The following RAE1 variants were observed in gnomAD, a reference collection of about 807,000 sequenced individuals.
RAE1 encodes the protein ribonucleic acid export 1.
RAE1 carries 13 observed loss-of-function variants against 52.7 expected under a neutral mutation model. That is an observed-to-expected ratio of 0.25 (90% CI 0.16 to 0.39). The LOEUF (loss-of-function observed/expected upper bound fraction) is 0.39, where lower values mean the gene tolerates loss of function less well. Ranked by LOEUF, RAE1 falls within the 10% of genes least tolerant of loss-of-function variation. RAE1 has a pLI of 1.00. For missense variants in RAE1, 262 were observed against 459.8 expected, an observed-to-expected ratio of 0.57 and a Z score of 3.93; for synonymous variants, 164 against 153.1, an observed-to-expected ratio of 1.07 and a Z score of -0.52.
At chr20:57,369,174 C>T (rs1029199074) in intron 8 of RAE1, among the ~76,000 whole-genome samples, 1 of 152,178 alleles carries the variant, frequency 6.6e-6, no homozygotes, top group East Asian at 1.9e-4. Flanking sequence ...CAGCGTCTTA[C>T]AACGATCTTA....
Position 57,378,202 on chromosome 20 carries a change from G to A in RAE1, c.*103G>A. ...TGTTGGGTTGTCAGCCATGGACATG[G>A]ATTTCAACCCCTGGAGAAAACGATG... is the stretch of plus-strand genomic sequence containing the variant. On this transcript the variant is annotated 3_prime_UTR_variant, in exon 12 of 12. Transcript: ENST00000395841. 3 of 941,652 alleles carry A rather than the reference G, an allele frequency of 3.2e-6. No individual in the cohort carries two copies. Among genetic ancestry groups the A allele is most frequent in the Non-Finnish European group, 4.7e-6 (3 of 633,572 alleles). 58.3% of individuals were successfully genotyped at this position (941,652 alleles called of 1,614,324 possible). A position where few individuals can be genotyped will look rare whatever the true frequency, so the allele number is the denominator to read the frequency against.
chr20:57,374,462 A>G, intron 10 of RAE1, 145 bp from the exon 11 acceptor site: 2 of 780,246 alleles, frequency 2.6e-6, no homozygotes, highest in East Asian at 2.4e-5. Flanking sequence ...AAGCCTGGAT[A>G]GTTTCTCTTG....
chr20:57,369,071 ACTT>A (rs2066997789), intron 8 of RAE1, among the ~76,000 whole-genome samples: 1 of 152,208 alleles, frequency 6.6e-6, no homozygotes, highest in Admixed American at 6.5e-5. Flanking sequence ...CCAAGGGAAA[ACTT>A]CTCCTTTGCC....
At chr20:57,368,564 C>T (rs1173784071) in intron 7 of RAE1, 141 bp from the exon 8 acceptor site, 2 of 557,550 alleles carry the variant, frequency 3.6e-6, no homozygotes, top group Admixed American at 3.1e-5. Context: ...AATACTATTT[C>T]TCTAGGTTTT....
chr20:57,372,386 T>C (rs539133466), intron 8 of RAE1: 2 of 152,340 alleles, frequency 1.3e-5, no homozygotes, highest in Admixed American at 1.3e-4. Flanking sequence ...GCCTCTCCGT[T>C]GTTGAGAACT....
At chr20:57,357,178 T>A (rs890981846) in intron 4 of RAE1, among the ~76,000 whole-genome samples, 1 of 152,188 alleles carries the variant, frequency 6.6e-6, no homozygotes, top group Non-Finnish European at 1.5e-5. Context: ...TACAGCTCTG[T>A]GAGTGTTAAG....
chr20:57,373,656 C>CT lies in RAE1; in HGVS notation c.750-4dup. The CT allele has an allele frequency of 6.2e-7, 1 of 1,614,080 alleles. No individual in the cohort carries two copies. ...AAGGAAGACTTACATGAACCTTTGT[C>CT]TTTCAGCGCCAAAGATAACTTCACC... On this transcript the variant is annotated splice_region_variant and splice_polypyrimidine_tract_variant and intron_variant, in intron 9 of 11. Coordinates refer to ENST00000395841, the MANE Select transcript of RAE1 (RefSeq NM_003610.4).
intron 4 of RAE1, among the ~76,000 whole-genome samples, chr20:57,363,417 G>A (rs1283466329): frequency 6.6e-6 from 1 of 152,154 alleles, no homozygotes; most frequent in Non-Finnish European, 1.5e-5. Context: ...GGAGACTGAG[G>A]CAGGAGGATC....
chr20:57,359,919 C>G (rs2066866736), intron 4 of RAE1: 1 of 152,036 alleles, frequency 6.6e-6, no homozygotes. Flanking sequence ...ATCGCCTATA[C>G]TTTTGTTTAA....
intron 4 of RAE1, among the ~76,000 whole-genome samples, chr20:57,363,641 G>A (rs2066917908): frequency 6.6e-6 from 1 of 152,140 alleles, no homozygotes; most frequent in Admixed American, 6.5e-5. Context: ...TGCACTCCAA[G>A]CTGAGCAATA....
rs781771403 is a variant in RAE1 at position 57,373,598 on chromosome 20, C to T, written c.749+17C>T. ...CCCGAACCCGTAAGTGTGACTCTGT[C>T]AGCTTGCAGATTTCACTGGACTTTT... is the stretch of plus-strand genomic sequence containing the variant. On this transcript the variant is annotated intron_variant, in intron 9 of 11. Coordinates refer to ENST00000395841, the MANE Select transcript of RAE1 (RefSeq NM_003610.4). 1.2e-6 allele frequency: 2 copies of T among 1,613,048 alleles called. No homozygotes were observed. Among genetic ancestry groups the T allele is most frequent in the Non-Finnish European group, 1.7e-6 (2 of 1,179,024 alleles).
intron 1 of RAE1, among the ~76,000 whole-genome samples, chr20:57,352,248 A>T (rs2066721532): frequency 6.6e-6 from 1 of 152,262 alleles, no homozygotes; most frequent in African/African-American, 2.4e-5. Context: ...TGGCAAGTTC[A>T]AATTTGGGAC....
intron 4 of RAE1, chr20:57,357,659 T>C (rs778869463): frequency 4.6e-5 from 7 of 152,052 alleles, no homozygotes; most frequent in Non-Finnish European, 8.8e-5. Flanking sequence ...CCTAGGAAAA[T>C]AGTAGTAGTT....
chr20:57,354,793 A>G lies in RAE1; in HGVS notation c.172A>G (p.Ile58Val). Residue 58 changes from isoleucine (I) to valine (V), a missense_variant, in exon 3 of 12, where the codon ATT becomes GTT. Coordinates refer to ENST00000395841, the MANE Select transcript of RAE1 (RefSeq NM_003610.4). ...ACCAACCTTGCCGGGGAACTTTCTT[A>G]TTGCAGGATCATGGGCTAATGATGT... ...SPPTLPGNFL[I>V]AGSWANDVRC... 1.2e-6 allele frequency: 2 copies of G among 1,603,722 alleles called. No homozygotes were observed. The highest frequency in any genetic ancestry group is 1.7e-6 in the Non-Finnish European group (2 of 1,175,456).
chr20:57,373,772 A>G lies in RAE1; in HGVS notation c.825+34A>G, dbSNP rs375305743. 1,928 of 1,588,112 alleles carry G rather than the reference A, an allele frequency of 1.2e-3. 2 individuals are homozygous for G. Among genetic ancestry groups the G allele is most frequent in the Non-Finnish European group, 1.5e-3 (1,764 of 1,156,612 alleles). ...TTAGACACTTTAACCGTGGTAATACATCTGGAAACCAGACTTGGAGGTGGC... is the reference window on the plus strand; with the variant it reads ...TTAGACACTTTAACCGTGGTAATACGTCTGGAAACCAGACTTGGAGGTGGC... On this transcript the variant is annotated intron_variant, in intron 10 of 11. Coordinates refer to ENST00000395841, the MANE Select transcript of RAE1 (RefSeq NM_003610.4).
intron 3 of RAE1, among the ~76,000 whole-genome samples, chr20:57,355,217 TACTC>T (rs2066767415): frequency 3.9e-5 from 6 of 152,136 alleles, no homozygotes; most frequent in Admixed American, 3.9e-4. Context: ...CCTAGATACT[TACTC>T]ATCATGTACA....
Position 57,356,481 on chromosome 20 carries a change from C to T in RAE1, c.231C>T (p.Thr77=), listed in dbSNP as rs1255142330. Residue 77 remains threonine, a synonymous_variant, in exon 4 of 12, where the codon ACC becomes ACT. Coordinates refer to ENST00000395841, the MANE Select transcript of RAE1 (RefSeq NM_003610.4). ...GGGAAGTTCAAGACAGTGGACAGAC[C>T]ATTCCAAAAGCCCAGCAGATGCACA... is the stretch of plus-strand genomic sequence containing the variant. The part of the protein sequence containing the change: ...RCWEVQDSGQ[T]IPKAQQMHTG... 6.2e-7 allele frequency: 1 copy of T among 1,613,312 alleles called. No individual in the cohort carries two copies. Among genetic ancestry groups the T allele is most frequent in the Non-Finnish European group, 8.5e-7 (1 of 1,179,500 alleles).
intron 4 of RAE1, chr20:57,360,106 T>C (rs1467416038): frequency 2.6e-5 from 4 of 152,224 alleles, no homozygotes; most frequent in Non-Finnish European, 5.9e-5. Context: ...TTACAATTTA[T>C]CTCCTCTATA....
chr20:57,360,616 C>A (rs1033408744), intron 4 of RAE1, among the ~76,000 whole-genome samples: 3 of 152,170 alleles, frequency 2.0e-5, no homozygotes, highest in Non-Finnish European at 4.4e-5. Flanking sequence ...GCTACTGTGT[C>A]TTCAGGGTAT....
Sources: allele counts gnomAD v4.1 joint callset (sites outside exome capture counted in the v4.1 genomes callset), GRCh38; gene constraint gnomAD v4.1.1; transcripts MANE v1.5; gene names NCBI Gene and HGNC (gene_info 2026-07-23, HGNC 2026-07-21).